The following KCNV2 variants were observed in gnomAD, a reference collection of about 807,000 sequenced individuals.
The protein encoded by KCNV2 is potassium voltage-gated channel modifier subfamily V member 2, also known as potassium voltage-gated channel subfamily V member 2.
A neutral mutation model predicts 37.0 loss-of-function variants in KCNV2; 65 were observed. That is an observed-to-expected ratio of 1.76 (90% CI 1.44 to 2.16). The LOEUF is 2.16. Ranked by LOEUF, KCNV2 falls within the 30% of genes most tolerant of loss-of-function variation. The probability of loss-of-function intolerance (pLI) is 0.00; values close to 1 mark genes in which losing one functional copy is unlikely to be tolerated. For missense variants in KCNV2, 1,232 were observed against 766.7 expected, an observed-to-expected ratio of 1.61 and a Z score of -7.17; for synonymous variants, 518 against 328.6, an observed-to-expected ratio of 1.58 and a Z score of -6.23.
intron 1 of KCNV2, among the ~76,000 whole-genome samples, chr9:2,722,214 T>A (rs892503100): frequency 2.5e-4 from 36 of 144,080 alleles, no homozygotes; most frequent in East Asian, 1.4e-3. Context: ...TATAAATAAA[T>A]TAGAAGTTAT....
intron 1 of KCNV2, among the ~76,000 whole-genome samples, chr9:2,722,073 ATAAATTAGAAGTTATTTATAAATAAAT>A (rs1232120330): frequency 2.9e-5 from 4 of 136,626 alleles, no homozygotes; most frequent in Non-Finnish European, 6.3e-5. Flanking sequence ...TTATTTATAA[ATAAATTAGAAGTTATTTATAAATAAAT>A]TAGAAGTTAT....
At chr9:2,728,782 C>T (rs907487203) in intron 1 of KCNV2, among the ~76,000 whole-genome samples, 1 of 151,608 alleles carries the variant, frequency 6.6e-6, no homozygotes, top group South Asian at 2.1e-4. Flanking sequence ...AGTTTCATGC[C>T]TTTTGTATGC....
Position 2,718,501 on chromosome 9 carries a change from C to A in KCNV2, c.762C>A (p.Phe254Leu), listed in dbSNP as rs147022958. ...RRLWNLMEKP[F>L]SSVAAKAIGV... The stretch of plus-strand genomic sequence containing the variant: ...TCTGGAACCTCATGGAGAAGCCATT[C>A]TCCTCGGTGGCCGCCAAGGCCATCG... Residue 254 changes from phenylalanine (F) to leucine (L), a missense_variant, in exon 1 of 2, where the codon TTC becomes TTA. Phe to Leu is a conservative substitution (Grantham distance 22). Coordinates refer to ENST00000382082, the MANE Select transcript of KCNV2 (RefSeq NM_133497.4). 6 of 1,610,720 alleles carry A rather than the reference C, an allele frequency of 3.7e-6. No homozygotes were observed. The highest frequency in any genetic ancestry group is 4.5e-5 in the East Asian group (2 of 44,758).
In KCNV2 at chr9:2,725,030, TTTTATGTC is replaced by T. The variant is rs1199120654; in HGVS notation, c.1357-4411_1357-4404del. 1.6e-4 allele frequency among the ~76,000 whole-genome samples: 24 copies of T among 152,354 alleles called. No individual in the cohort carries two copies. In the South Asian group the frequency reaches 5.0e-3, roughly 32 times the overall value. ...GATTCCCAATTTTGGAGTGGTCTCCTTTTATGTCTTTAAAGTATGTTCCTCATTTTAGC... is the reference window on the plus strand; with the variant it reads ...GATTCCCAATTTTGGAGTGGTCTCCTTTTAAAGTATGTTCCTCATTTTAGC... On this transcript the variant is annotated intron_variant, in intron 1 of 1. Coordinates refer to ENST00000382082, the MANE Select transcript of KCNV2 (RefSeq NM_133497.4).
Position 2,718,112 on chromosome 9 carries a change from C to G in KCNV2, c.373C>G (p.Arg125Gly). ...LAGFPKTRLG[R>G]LATSTSRSRQ... Reference sequence around the variant, plus strand: ...CGGCTTCCCCAAGACGCGCCTAGGTCGCCTGGCCACCTCCACCAGCCGCAG... The same window carrying G: ...CGGCTTCCCCAAGACGCGCCTAGGTGGCCTGGCCACCTCCACCAGCCGCAG... The change falls in exon 1 of 2, where the codon CGC becomes GGC. Residue 125 changes from arginine to glycine, a missense_variant. Transcript: ENST00000382082. The G allele has an allele frequency of 3.1e-6, 5 of 1,600,272 alleles. No homozygotes were observed. The highest frequency in any genetic ancestry group is 4.3e-6 in the Non-Finnish European group (5 of 1,173,772).
intron 1 of KCNV2, among the ~76,000 whole-genome samples, chr9:2,722,265 G>C (rs1819887791): frequency 7.4e-6 from 1 of 135,094 alleles, no homozygotes; most frequent in South Asian, 2.2e-4. Context: ...TTACAAATTA[G>C]AAGTTATTTA....
intron 1 of KCNV2, among the ~76,000 whole-genome samples, chr9:2,719,570 C>A (rs1266299204): frequency 1.3e-5 from 2 of 152,076 alleles, no homozygotes; most frequent in Non-Finnish European, 2.9e-5. Flanking sequence ...ACCATGTTGA[C>A]TCTAACTGAA....
At position 2,718,651 on chromosome 9, in the gene KCNV2, C is replaced by A; in HGVS notation, c.912C>A (p.His304Gln). The A allele has an allele frequency of 6.2e-7, 1 of 1,613,308 alleles. No homozygotes were observed. The highest frequency in any genetic ancestry group is 8.5e-7 in the Non-Finnish European group (1 of 1,179,826). The change falls in exon 1 of 2, where the codon CAC becomes CAA. Residue 304 changes from histidine to glutamine, a missense_variant. His to Gln is a conservative substitution (Grantham distance 24, BLOSUM62 0). Transcript: ENST00000382082. ...CAGACCTGCGGCCCATCCTGGAGCACGTGGAGATGCTGTGCATGGGCTTCT... is the reference window on the plus strand; with the variant it reads ...CAGACCTGCGGCCCATCCTGGAGCAAGTGGAGATGCTGTGCATGGGCTTCT... Reference protein sequence around the residue: ...GGPDLRPILEHVEMLCMGFFT... With the variant: ...GGPDLRPILEQVEMLCMGFFT...
rs1469817472 is a variant in KCNV2 at position 2,718,033 on chromosome 9, G to C, written c.294G>C (p.Thr98=). The change falls in exon 1 of 2, where the codon ACG becomes ACC. Residue 98 remains threonine (T), a synonymous_variant. Transcript: ENST00000382082. ...GPSDPPALLS[T]LNVNVGGHSY... ...GCGACCCTCCGGCCCTGCTGTCCAC[G>C]CTGAATGTGAACGTGGGTGGCCACA... 6.2e-7 allele frequency: 1 copy of C among 1,611,950 alleles called. No individual in the cohort carries two copies. Among genetic ancestry groups the C allele is most frequent in the Non-Finnish European group, 8.5e-7 (1 of 1,178,930 alleles).
chr9:2,720,049 T>C (rs1482069766), intron 1 of KCNV2, among the ~76,000 whole-genome samples: 1 of 152,270 alleles, frequency 6.6e-6, no homozygotes, highest in Non-Finnish European at 1.5e-5. Context: ...ATTGAATGTA[T>C]GGTTTCCTTA....
At chr9:2,725,218 C>G (rs186696773) in intron 1 of KCNV2, among the ~76,000 whole-genome samples, 1 of 152,172 alleles carries the variant, frequency 6.6e-6, no homozygotes, top group South Asian at 2.1e-4. Flanking sequence ...GCTGTGCACA[C>G]CTACCGCTTA....
rs12237048 is a variant in KCNV2 at position 2,718,534 on chromosome 9, C to A, written c.795C>A (p.Ala265=). ...SSVAAKAIGV[A]SSTFVLVSVV... ...TGGCCGCCAAGGCCATCGGGGTGGC[C>A]TCCAGCACCTTCGTGCTCGTCTCCG... is the stretch of plus-strand genomic sequence containing the variant. The change falls in exon 1 of 2, where the codon GCC becomes GCA. Residue 265 remains alanine (A), a synonymous_variant. Transcript: ENST00000382082. The A allele has an allele frequency of 4.3e-6, 7 of 1,610,244 alleles. No individual in the cohort carries two copies. The highest frequency in any genetic ancestry group is 5.9e-6 in the Non-Finnish European group (7 of 1,178,632).
chr9:2,721,982 A>C (rs960878113), intron 1 of KCNV2, among the ~76,000 whole-genome samples: 1 of 151,212 alleles, frequency 6.6e-6, no homozygotes, highest in Non-Finnish European at 1.5e-5. Flanking sequence ...TATTTTTAAA[A>C]ATTTGGGGCA....
At chr9:2,728,909 A>AAGAGAGAGAGAGAG (rs370059688) in intron 1 of KCNV2, among the ~76,000 whole-genome samples, 23 of 151,368 alleles carry the variant, frequency 1.5e-4, no homozygotes, top group Admixed American at 7.9e-4. Context: ...AAAAAAGAAA[A>AAGAGAGAGAGAGAG]AGAGAGAGAG....
Sources: allele counts gnomAD v4.1 joint callset (sites outside exome capture counted in the v4.1 genomes callset), GRCh38; gene constraint gnomAD v4.1.1; transcripts MANE v1.5; gene names NCBI Gene and HGNC (gene_info 2026-07-23, HGNC 2026-07-21).